CCDC33: variants seen among roughly 807,000 people sequenced by gnomAD.
CCDC33 encodes the protein coiled-coil domain-containing protein 33.
In CCDC33, 94 loss-of-function variants were observed where a neutral mutation model predicts 91.9. The observed-to-expected ratio is 1.02, with a 90% CI of 0.87 to 1.21. The LOEUF (loss-of-function observed/expected upper bound fraction) is 1.21. CCDC33 is among the 50% of genes most tolerant of loss of function. The pLI, the probability that CCDC33 is intolerant of heterozygous loss-of-function variation, is 0.00. For synonymous variants in CCDC33, 396 were observed against 374.5 expected (o/e 1.06, Z -0.66); for missense variants, 940 against 935.5 (o/e 1.00, Z -0.06).
chr15:74,239,400 TC>T (rs1434576602), intron 1 of CCDC33, among the ~76,000 whole-genome samples: 1 of 152,028 alleles, frequency 6.6e-6, no homozygotes, highest in East Asian at 1.9e-4. Flanking sequence ...AGCACATGGA[TC>T]CAAAAATGCC....
At chr15:74,279,622 G>GC (rs1050495516) in intron 7 of CCDC33, among the ~76,000 whole-genome samples, 17 of 152,068 alleles carry the variant, frequency 1.1e-4, no homozygotes, top group South Asian at 6.3e-4. Flanking sequence ...GGCAACCTCT[G>GC]CCCCCCCGGG....
intron 17 of CCDC33, 86 bp downstream of exon 17, chr15:74,334,053 G>A (rs768490014): frequency 1.7e-5 from 20 of 1,197,262 alleles, no homozygotes; most frequent in Non-Finnish European, 2.3e-5. Flanking sequence ...CAGAGTCTAG[G>A]CTCAATCTAT....
chr15:74,296,912 C>T (rs932504787), intron 11 of CCDC33, among the ~76,000 whole-genome samples: 1 of 152,180 alleles, frequency 6.6e-6, no homozygotes, highest in South Asian at 2.1e-4. Flanking sequence ...TCTTCCACAG[C>T]GGGTCCCATG....
intron 8 of CCDC33, 135 bp from the exon 9 acceptor site, chr15:74,280,533 A>C (rs1352476472): frequency 2.1e-6 from 2 of 954,866 alleles, no homozygotes; most frequent in East Asian, 5.5e-5. Context: ...AGATGAGAAG[A>C]GGATGTATGT....
intron 2 of CCDC33, among the ~76,000 whole-genome samples, chr15:74,230,652 C>T (rs1210171992): frequency 6.6e-6 from 1 of 152,210 alleles, no homozygotes; most frequent in Non-Finnish European, 1.5e-5. Flanking sequence ...CTCGTCACCC[C>T]CAAGTCTCCT....
intron 5 of CCDC33, 104 bp downstream of exon 5, chr15:74,268,562 G>T: frequency 3.6e-6 from 3 of 832,146 alleles, no homozygotes; most frequent in Non-Finnish European, 6.0e-6. Flanking sequence ...TGACCTGAGG[G>T]TGTGGAGCAG....
intron 2 of CCDC33, among the ~76,000 whole-genome samples, chr15:74,248,003 G>A (rs572770954): frequency 6.6e-6 from 1 of 152,248 alleles, no homozygotes; most frequent in African/African-American, 2.4e-5. Context: ...CTTGAATCTG[G>A]GAGGTGGAGG....
At position 74,270,116 on chromosome 15, in the gene CCDC33, C is replaced by CA. The variant is rs569282468; in HGVS notation, c.547-1586dup. Among the ~76,000 whole-genome samples the CA allele has an allele frequency of 6.6e-5, 10 of 152,324 alleles. No homozygotes were observed. The South Asian group carries it at 2.1e-3, about 32-fold the overall frequency. ...GAAGGGATTCAGTCTCCAGAGCCCT[C>CA]AGTGAGAGCTGCGAGGCCCTAAGGA... On this transcript the variant is annotated intron_variant, in intron 5 of 18. Coordinates refer to ENST00000398814, the MANE Select transcript of CCDC33 (RefSeq NM_025055.5).
At chr15:74,271,134 G>T (rs1343232769) in intron 5 of CCDC33, among the ~76,000 whole-genome samples, 2 of 152,150 alleles carry the variant, frequency 1.3e-5, no homozygotes, top group Non-Finnish European at 2.9e-5. Context: ...AGGGTGATGG[G>T]CACGAGGGAG....
intron 2 of CCDC33, among the ~76,000 whole-genome samples, chr15:74,228,150 G>C (rs2142183624): frequency 6.6e-6 from 1 of 152,326 alleles, no homozygotes; most frequent in South Asian, 2.1e-4. Context: ...TGCAGTCCCT[G>C]GGTATAGAAG....
chr15:74,223,088 G>A lies in CCDC33; in HGVS notation c.675+4227G>A, dbSNP rs549714716. Among the ~76,000 whole-genome samples the A allele has an allele frequency of 5.9e-5, 9 of 152,160 alleles. No homozygotes were observed. In the South Asian group the frequency reaches 1.7e-3, roughly 28 times the overall value. ...TTTAATCTCAGGGGTGCAGCACGGGGGTGTGAGTGGGGGCTGGCGTGGCTG... is the reference window on the plus strand; with the variant it reads ...TTTAATCTCAGGGGTGCAGCACGGGAGTGTGAGTGGGGGCTGGCGTGGCTG... On this transcript the variant is annotated intron_variant, in intron 2 of 2. Transcript: ENST00000635913.
In CCDC33 at chr15:74,208,013, G is replaced by A. The variant is rs570609486; in HGVS notation, n.90-1375G>A. 1.0e-5 allele frequency: 14 copies of A among 1,384,276 alleles called. No homozygotes were observed. In the South Asian group the frequency reaches 1.9e-4, roughly 19 times the overall value. 85.7% of individuals were successfully genotyped at this position (1,384,276 alleles called of 1,614,324 possible). ...AAGCACCATCTGATGTGCCCTTCCTGCAATTCTCATGCCCCCCTCACCAAC... is the reference window on the plus strand; with the variant it reads ...AAGCACCATCTGATGTGCCCTTCCTACAATTCTCATGCCCCCCTCACCAAC... On this transcript the variant is annotated intron_variant and non_coding_transcript_variant, in intron 1 of 3. Transcript: ENST00000558645.
At chr15:74,293,508 C>G (rs1277897773) in intron 10 of CCDC33, among the ~76,000 whole-genome samples, 1 of 152,220 alleles carries the variant, frequency 6.6e-6, no homozygotes, top group East Asian at 1.9e-4. Context: ...GAGAAAGAGA[C>G]AGATGTGGTA....
At chr15:74,247,390 ACACACACG>A (rs776323387) in intron 2 of CCDC33, among the ~76,000 whole-genome samples, 9 of 137,654 alleles carry the variant, frequency 6.5e-5, no homozygotes, top group East Asian at 2.1e-4. Context: ...ACACACACAC[ACACACACG>A]TCATATACAT....
At chr15:74,309,311 G>A (rs192901719) in intron 11 of CCDC33, among the ~76,000 whole-genome samples, 101 of 152,212 alleles carry the variant, frequency 6.6e-4, no homozygotes, top group Admixed American at 1.4e-3. Context: ...CTGTGTTCCC[G>A]GCTCACTCCA....
intron 12 of CCDC33, 117 bp from the exon 13 acceptor site, chr15:74,330,546 A>T: frequency 1.8e-6 from 2 of 1,088,200 alleles, no homozygotes; most frequent in African/African-American, 1.5e-5. Flanking sequence ...GAAACAGAGA[A>T]TCCAGTCCCG....
chr15:74,276,169 A>G (rs1194296853), intron 7 of CCDC33, among the ~76,000 whole-genome samples: 1 of 152,192 alleles, frequency 6.6e-6, no homozygotes, highest in Non-Finnish European at 1.5e-5. Flanking sequence ...ACCCGAACCC[A>G]AGGGCCATCT....
chr15:74,277,101 T>G (rs2076469751), intron 7 of CCDC33, among the ~76,000 whole-genome samples: 2 of 152,356 alleles, frequency 1.3e-5, no homozygotes, highest in South Asian at 2.1e-4. Context: ...TCAGTGAAGT[T>G]GAACTTACAT....
At chr15:74,265,667 A>T (rs2142392356) in intron 3 of CCDC33, among the ~76,000 whole-genome samples, 1 of 152,354 alleles carries the variant, frequency 6.6e-6, no homozygotes, top group East Asian at 1.9e-4. Flanking sequence ...CTAAATAATC[A>T]TGACAGTCCC....
Sources: gnomAD v4.1 joint callset for allele counts (sites outside exome capture counted in the v4.1 genomes callset) on GRCh38, gnomAD v4.1.1 for gene constraint, MANE v1.5 for transcripts, NCBI Gene and HGNC (gene_info 2026-07-23, HGNC 2026-07-21) for gene names.